Variants in GLIS3 observed in about 807,000 individuals in gnomAD.
GLIS3 encodes zinc finger protein GLIS3.
In GLIS3, 53 loss-of-function variants were observed where a neutral mutation model predicts 78.6. That is an observed-to-expected ratio of 0.67 (90% confidence interval 0.54 to 0.85). GLIS3 has a LOEUF of 0.85. Ranked by LOEUF, GLIS3 falls within the 40% of genes least tolerant of loss-of-function variation. The pLI, the probability that GLIS3 is intolerant of heterozygous loss-of-function variation, is 0.00. For missense variants in GLIS3, 1,703 were observed against 1,231.1 expected (o/e 1.38, Z -5.74); for synonymous variants, 684 against 509.9 (o/e 1.34, Z -4.60).
the GLIS3 span, among the ~76,000 whole-genome samples, chr9:4,374,876 T>G: frequency 2.6e-5 from 4 of 152,274 alleles, no homozygotes; most frequent in African/African-American, 9.6e-5. Flanking sequence ...ATATACTATT[T>G]TGCCATCCAT....
intron 2 of GLIS3, among the ~76,000 whole-genome samples, chr9:4,185,877 A>G (rs1039596430): frequency 6.6e-6 from 1 of 152,204 alleles, no homozygotes; most frequent in South Asian, 2.1e-4. Context: ...GCCCAGGGAC[A>G]TGTTCCACAC....
At chr9:4,091,440 T>C (rs2130753913) in intron 4 of GLIS3, among the ~76,000 whole-genome samples, 1 of 152,190 alleles carries the variant, frequency 6.6e-6, no homozygotes, top group South Asian at 2.1e-4. Flanking sequence ...CATTTATCCT[T>C]AGTGGAAATA....
intron 9 of GLIS3, among the ~76,000 whole-genome samples, chr9:3,852,228 C>T (rs971334603): frequency 1.2e-4 from 19 of 152,002 alleles, no homozygotes; most frequent in Non-Finnish European, 1.9e-4. Flanking sequence ...GGTAGCAATG[C>T]CCAGACATTT....
intron 8 of GLIS3, among the ~76,000 whole-genome samples, chr9:3,862,475 C>T (rs144225919): frequency 6.5e-4 from 99 of 152,274 alleles, no homozygotes; most frequent in Non-Finnish European, 1.2e-3. Flanking sequence ...GGGTAGGGCT[C>T]TTTCCCGTGT....
At chr9:4,324,086 T>TATGCC (rs1435982987) in intron 2 of GLIS3, among the ~76,000 whole-genome samples, 5 of 152,214 alleles carry the variant, frequency 3.3e-5, no homozygotes, top group African/African-American at 1.2e-4. Flanking sequence ...CTTGTCTCAA[T>TATGCC]ATGCCATCTC....
intron 2 of GLIS3, among the ~76,000 whole-genome samples, chr9:4,318,814 G>A (rs919784683): frequency 2.0e-5 from 3 of 152,160 alleles, no homozygotes; most frequent in African/African-American, 7.2e-5. Context: ...TGGTGAACAG[G>A]ATATTTTCAG....
At chr9:4,226,282 G>C (rs560038316) in intron 2 of GLIS3, among the ~76,000 whole-genome samples, 32 of 152,138 alleles carry the variant, frequency 2.1e-4, no homozygotes, top group African/African-American at 7.5e-4. Flanking sequence ...TTTAGATATA[G>C]CCTGCATTCT....
intron 2 of GLIS3, chr9:4,147,700 G>A (rs1386061087): frequency 1.3e-5 from 2 of 152,078 alleles, no homozygotes; most frequent in African/African-American, 2.4e-5. Context: ...GTCAGCCAGC[G>A]CTGGCCAGCG....
At chr9:3,958,116 G>C (rs1817275029) in intron 4 of GLIS3, among the ~76,000 whole-genome samples, 1 of 152,158 alleles carries the variant, frequency 6.6e-6, no homozygotes, top group African/African-American at 2.4e-5. Context: ...CACTCTCTCA[G>C]TTCCCTGGAA....
At chr9:4,416,047 G>T in the GLIS3 span, among the ~76,000 whole-genome samples, 3 of 149,258 alleles carry the variant, frequency 2.0e-5, no homozygotes, top group Non-Finnish European at 4.4e-5. Flanking sequence ...TATATAAGCC[G>T]ACCTCACTTT....
At chr9:4,135,845 C>G (rs1233207634) in intron 2 of GLIS3, among the ~76,000 whole-genome samples, 1 of 152,208 alleles carries the variant, frequency 6.6e-6, no homozygotes, top group Non-Finnish European at 1.5e-5. Flanking sequence ...TCTCACCTTT[C>G]ATGAATACTC....
the GLIS3 span, among the ~76,000 whole-genome samples, chr9:4,475,017 G>A: frequency 5.5e-5 from 5 of 91,576 alleles, no homozygotes; most frequent in African/African-American, 1.9e-4. Context: ...TTTTTGAGAC[G>A]TAGTCTTGCT....
At chr9:4,369,751 C>G in the GLIS3 span, among the ~76,000 whole-genome samples, 1 of 152,052 alleles carries the variant, frequency 6.6e-6, no homozygotes, top group African/African-American at 2.4e-5. Context: ...TCCCAAAGGA[C>G]CTTGACAAGT....
the GLIS3 span, among the ~76,000 whole-genome samples, chr9:4,375,424 A>G: frequency 6.6e-6 from 1 of 152,228 alleles, no homozygotes; most frequent in Non-Finnish European, 1.5e-5. Flanking sequence ...GATGAAAACA[A>G]TTTGCGACTG....
rs776030305 is a variant in GLIS3 at position 4,117,952 on chromosome 9, G to A, written c.1526C>T (p.Ala509Val). 6.2e-6 allele frequency: 10 copies of A among 1,614,000 alleles called. No homozygotes were observed. In the South Asian group the frequency reaches 8.8e-5, roughly 14 times the overall value. The part of the protein sequence containing the change: ...KHCCRWIDCS[A>V]LYDQQEELVR... ...GAGCTCCTCCTGCTGGTCGTACAGG[G>A]CGCTGCAGTCGATCCAGCGGCAGCA... Residue 509 changes from alanine (A) to valine (V), a missense_variant, in exon 4 of 11, where the codon GCC (alanine) becomes GTC (valine). Ala to Val is a moderately conservative substitution (Grantham distance 64). Transcript: ENST00000381971.
At chr9:4,084,256 A>AC (rs1828812518) in intron 4 of GLIS3, among the ~76,000 whole-genome samples, 9 of 132,120 alleles carry the variant, frequency 6.8e-5, no homozygotes, top group Non-Finnish European at 8.2e-5. Context: ...TCCTCTCTCT[A>AC]ACACACACAC....
rs1232130536 is a variant in GLIS3 at position 4,299,748 on chromosome 9, G to A, written c.-426C>T. The A allele has an allele frequency of 6.6e-6, 1 of 152,240 alleles. No homozygotes were observed. The highest frequency in any genetic ancestry group is 2.4e-5 in the African/African-American group (1 of 41,430). The allele number at this position is 152,240 out of a possible 1,614,324, so 9.4% of individuals were successfully genotyped here. On this transcript the variant is annotated 5_prime_UTR_variant, in exon 1 of 11. Transcript: ENST00000381971. ...CTACACACATACACACACAAATAAT[G>A]TTTCTAAAAAGTTCAGTTGCGACTT...
At chr9:3,949,200 CAT>C (rs1816504363) in intron 4 of GLIS3, among the ~76,000 whole-genome samples, 1 of 152,104 alleles carries the variant, frequency 6.6e-6, no homozygotes, top group Admixed American at 6.5e-5. Context: ...CAAAGTAAAA[CAT>C]ATTAATAATT....
chr9:4,275,547 C>T (rs1826907414), intron 2 of GLIS3, among the ~76,000 whole-genome samples: 1 of 151,320 alleles, frequency 6.6e-6, no homozygotes, highest in Admixed American at 6.6e-5. Context: ...ATCGTTTGAG[C>T]CTAGGAGTTT....
Sources: allele counts gnomAD v4.1 joint callset (sites outside exome capture counted in the v4.1 genomes callset), GRCh38; gene constraint gnomAD v4.1.1; transcripts MANE v1.5; gene names NCBI Gene and HGNC (gene_info 2026-07-23, HGNC 2026-07-21).